The following SV2B variants were observed in gnomAD, a reference collection of about 807,000 sequenced individuals.
The protein encoded by SV2B is synaptic vesicle glycoprotein 2B.
SV2B carries 41 observed loss-of-function variants against 73.9 expected under a neutral mutation model. That is an observed-to-expected ratio of 0.56 (90% CI 0.43 to 0.72). SV2B has a LOEUF of 0.72. SV2B is among the 30% of genes least tolerant of loss of function. SV2B has a pLI of 0.00. For missense variants in SV2B, 764 were observed against 857.8 expected (o/e 0.89, Z 1.37); for synonymous variants, 314 against 314.2 (o/e 1.00, Z 0.01).
At chr15:91,250,714 A>G (rs949792074) in intron 2 of SV2B, among the ~76,000 whole-genome samples, 3 of 152,226 alleles carry the variant, frequency 2.0e-5, no homozygotes, top group Admixed American at 1.3e-4. Flanking sequence ...CTCATTTACA[A>G]TAACATTAAA....
In SV2B at chr15:91,236,933, G is replaced by T. The variant is rs2046807461; in HGVS notation, c.451+10219G>T. Among the ~76,000 whole-genome samples the T allele has an allele frequency of 6.6e-6, 1 of 151,926 alleles. No individual in the cohort carries two copies. The highest frequency in any genetic ancestry group is 6.6e-5 in the Admixed American group (1 of 15,262). On this transcript the variant is annotated intron_variant, in intron 2 of 12. Transcript: ENST00000394232. The surrounding 1 kb of genome is among the most constrained non-coding windows in gnomAD (Gnocchi z 4.1). Reference sequence around the variant, plus strand: ...GATCTTTCCAACATGGCAGCTCCAGGGTAGCTGGATTTTTTTTTTTAACCT... The same window carrying T: ...GATCTTTCCAACATGGCAGCTCCAGTGTAGCTGGATTTTTTTTTTTAACCT...
chr15:91,155,973 G>A (rs938352407), intron 1 of SV2B, among the ~76,000 whole-genome samples: 1 of 151,906 alleles, frequency 6.6e-6, no homozygotes, highest in Non-Finnish European at 1.5e-5. Flanking sequence ...AGAAATCATG[G>A]GCCCAGACAT....
intron 1 of SV2B, among the ~76,000 whole-genome samples, chr15:91,113,526 A>T (rs1038319437): frequency 2.7e-5 from 4 of 150,538 alleles, no homozygotes; most frequent in African/African-American, 7.3e-5. Flanking sequence ...AAAGATTAAA[A>T]GGTTATAGCT....
rs1372543656 is a variant in SV2B at position 91,138,211 on chromosome 15, A to G, written c.-392+37848A>G. Reference sequence around the variant, plus strand: ...CTGAATCTGAGGCGGAGCATGTCCAATGGAGCTTTCTGCAATGATAGGAAT... The same window carrying G: ...CTGAATCTGAGGCGGAGCATGTCCAGTGGAGCTTTCTGCAATGATAGGAAT... On this transcript the variant is annotated intron_variant, in intron 1 of 12. Coordinates refer to ENST00000394232, the MANE Select transcript of SV2B (RefSeq NM_001323032.3). 3.9e-5 allele frequency among the ~76,000 whole-genome samples: 6 copies of G among 152,220 alleles called. No individual in the cohort carries two copies. In the East Asian group the frequency reaches 5.8e-4, roughly 15 times the overall value.
In SV2B at chr15:91,252,233, C is replaced by A. The variant is rs1362906439; in HGVS notation, c.633-136C>A. 9.5e-6 allele frequency: 12 copies of A among 1,268,648 alleles called. No individual in the cohort carries two copies. The East Asian group carries it at 2.6e-4, about 27-fold the overall frequency. The allele number at this position is 1,268,648 out of a possible 1,614,324, so 78.6% of individuals were successfully genotyped here. ...ACTGCTTCCCACATGTAGAGAGGAACTAACTGGCCGGTCTCTCAAATTCAC... is the reference window on the plus strand; with the variant it reads ...ACTGCTTCCCACATGTAGAGAGGAAATAACTGGCCGGTCTCTCAAATTCAC... On this transcript the variant is annotated intron_variant, in intron 3 of 12. Transcript: ENST00000394232. This position sits in a 1 kb window ranked among gnomAD's most constrained non-coding sequence, Gnocchi z 4.6.
intron 1 of SV2B, among the ~76,000 whole-genome samples, chr15:91,169,519 C>T (rs770091179): frequency 6.6e-6 from 1 of 151,046 alleles, no homozygotes; most frequent in African/African-American, 2.4e-5. Context: ...GCTAGGAGAC[C>T]CTTTCACAGG....
intron 1 of SV2B, among the ~76,000 whole-genome samples, chr15:91,113,638 C>T (rs1471482429): frequency 6.6e-6 from 1 of 152,156 alleles, no homozygotes; most frequent in Non-Finnish European, 1.5e-5. Flanking sequence ...GGAGCATATA[C>T]ATCTGAAAAG....
At chr15:91,260,443 G>A (rs2141652398) in intron 6 of SV2B, 34 bp downstream of exon 6, 2 of 1,523,324 alleles carry the variant, frequency 1.3e-6, no homozygotes, top group Non-Finnish European at 8.9e-7. Context: ...TAAGAAGGGG[G>A]TTCTCCTCTT....
At chr15:91,260,040 T>C (rs1488845633) in intron 5 of SV2B, among the ~76,000 whole-genome samples, 1 of 152,184 alleles carries the variant, frequency 6.6e-6, no homozygotes, top group Non-Finnish European at 1.5e-5. Flanking sequence ...TTCAACCTTA[T>C]AACTGTGATT....
At chr15:91,209,757 G>A (rs2045786730) in intron 1 of SV2B, among the ~76,000 whole-genome samples, 1 of 152,120 alleles carries the variant, frequency 6.6e-6, no homozygotes, top group Non-Finnish European at 1.5e-5. Context: ...CAAATTCTCA[G>A]GTCTTTGAAA....
At chr15:91,185,103 G>C (rs749995099) in intron 1 of SV2B, among the ~76,000 whole-genome samples, 45 of 152,244 alleles carry the variant, frequency 3.0e-4, no homozygotes, top group African/African-American at 1.0e-3. Context: ...ACAAAGTCTT[G>C]TTTTGTTGCT....
chr15:91,268,311 G>GATATAAATTTTGTC lies in SV2B; in HGVS notation c.1209-128_1209-127insATAAATTTTGTCAT, dbSNP rs1306167548. On this transcript the variant is annotated intron_variant, in intron 8 of 12. Transcript: ENST00000394232. The surrounding 1 kb of genome is among the most constrained non-coding windows in gnomAD (Gnocchi z 4.4). ...ATTAATATGAGGATTTATATTGTCAGATTTTCTAATAATGAACCAAATTAA... is the reference window on the plus strand; with the variant it reads ...ATTAATATGAGGATTTATATTGTCAGATATAAATTTTGTCATTTTCTAATAATGAACCAAATTAA... 1 of 952,406 alleles carries GATATAAATTTTGTC rather than the reference G, an allele frequency of 1.0e-6. No homozygotes were observed. The highest frequency in any genetic ancestry group is 1.5e-6 in the Non-Finnish European group (1 of 659,568). 59.0% of individuals were successfully genotyped at this position (952,406 alleles called of 1,614,324 possible). A position where few individuals can be genotyped will look rare whatever the true frequency, so the allele number is the denominator to read the frequency against.
At chr15:91,262,861 G>A (rs2141662500) in intron 6 of SV2B, among the ~76,000 whole-genome samples, 1 of 152,292 alleles carries the variant, frequency 6.6e-6, no homozygotes, top group South Asian at 2.1e-4. Flanking sequence ...GCCACACATT[G>A]GTGAGGCTTC....
chr15:91,200,838 G>A (rs2045432875), intron 1 of SV2B, among the ~76,000 whole-genome samples: 1 of 152,162 alleles, frequency 6.6e-6, no homozygotes, highest in African/African-American at 2.4e-5. Context: ...TTGAGCCCAA[G>A]AGTTCAAGAC....
intron 1 of SV2B, among the ~76,000 whole-genome samples, chr15:91,201,788 C>T (rs945350868): frequency 2.0e-5 from 3 of 152,158 alleles, no homozygotes; most frequent in African/African-American, 7.2e-5. Context: ...TGACAGTTTC[C>T]ACCACTCCCA....
rs995189245 is a variant in SV2B at position 91,302,549 on chromosome 15, A to G, written c.*9997A>G. Among the ~76,000 whole-genome samples the G allele has an allele frequency of 2.0e-5, 3 of 152,232 alleles. No individual in the cohort carries two copies. Among genetic ancestry groups the G allele is most frequent in the African/African-American group, 7.2e-5 (3 of 41,450 alleles). Reference sequence around the variant, plus strand: ...GCCAGGTGCAGTGGTTCACACCTGTAATCCCAGCATTTTGGGAAGCCAAGG... The same window carrying G: ...GCCAGGTGCAGTGGTTCACACCTGTGATCCCAGCATTTTGGGAAGCCAAGG... On this transcript the variant is annotated 3_prime_UTR_variant, in exon 13 of 13. Transcript: ENST00000394232.
Position 91,288,869 on chromosome 15 carries a change from T to A in SV2B, c.1709-652T>A, listed in dbSNP as rs1284708534. 6.6e-6 allele frequency among the ~76,000 whole-genome samples: 1 copy of A among 152,054 alleles called. No homozygotes were observed. Among genetic ancestry groups the A allele is most frequent in the East Asian group, 1.9e-4 (1 of 5,172 alleles). On this transcript the variant is annotated intron_variant, in intron 11 of 12. Coordinates refer to ENST00000394232, the MANE Select transcript of SV2B (RefSeq NM_001323032.3). The surrounding 1 kb of genome is among the most constrained non-coding windows in gnomAD (Gnocchi z 5.8). ...CTTTTTGTCTTTTTCGTAGAGACAG[T>A]GTTTTATCATGTTGGTCAGGCTGGT... is the stretch of plus-strand genomic sequence containing the variant.
intron 9 of SV2B, among the ~76,000 whole-genome samples, chr15:91,275,212 T>A (rs994835213): frequency 1.3e-5 from 2 of 152,166 alleles, no homozygotes; most frequent in Non-Finnish European, 2.9e-5. Context: ...TTTTTTCTTT[T>A]CTCCCACCCT....
intron 1 of SV2B, among the ~76,000 whole-genome samples, chr15:91,169,007 G>A (rs1290528878): frequency 2.0e-5 from 3 of 152,274 alleles, no homozygotes; most frequent in South Asian, 2.1e-4. Context: ...TAGTCCAGGG[G>A]CAGATGATTT....
Sources: allele counts gnomAD v4.1 joint callset (sites outside exome capture counted in the v4.1 genomes callset), GRCh38; gene constraint gnomAD v4.1.1; non-coding constraint Gnocchi (gnomAD v3.1); transcripts MANE v1.5; gene names NCBI Gene and HGNC (gene_info 2026-07-23, HGNC 2026-07-21).